Variants in BPTF observed in about 807,000 individuals in gnomAD.
The protein encoded by BPTF is bromodomain PHD finger transcription factor, also known as nucleosome-remodeling factor subunit BPTF.
In BPTF, 18 loss-of-function variants were observed where a neutral mutation model predicts 292.5. The ratio of observed to expected loss-of-function variants is 0.06; its 90% CI spans 0.04 to 0.09. The LOEUF (loss-of-function observed/expected upper bound fraction) is 0.09. BPTF is among the 10% of genes least tolerant of loss of function. BPTF has a pLI of 1.00. For synonymous variants in BPTF, 1,225 were observed against 1,251.9 expected (o/e 0.98, Z 0.45); for missense variants, 2,726 against 3,498.7 (o/e 0.78, Z 5.57).
chr17:67,912,114 A>G lies in BPTF; in HGVS notation c.4230A>G (p.Lys1410=). 6.2e-7 allele frequency: 1 copy of G among 1,608,274 alleles called. No individual in the cohort carries two copies. The highest frequency in any genetic ancestry group is 8.5e-7 in the Non-Finnish European group (1 of 1,178,276). ...QRTSTFQING[K]DNKPKIYLKG... ...CAAGTACATTTCAAATAAATGGAAA[A>G]GATAATAAACCCAAAATATATTTGA... Residue 1410 remains lysine, a synonymous_variant, in exon 11 of 28, where the codon AAA becomes AAG. Transcript: ENST00000306378.
In BPTF at chr17:67,945,752, G is replaced by A; in HGVS notation, c.7044G>A (p.Gln2348=). ...QSPVRVQSPS[Q]TRIRPSTPSQ... is the part of the protein sequence containing the mutation. ...CTGTTCGTGTCCAAAGTCCATCACA[G>A]ACTCGAATACGTCCATCAACTCCAT... The change falls in exon 21 of 28, where the codon CAG becomes CAA. Residue 2348 remains glutamine (Q), a synonymous_variant. Transcript: ENST00000306378. The A allele has an allele frequency of 6.2e-7, 1 of 1,614,156 alleles. No homozygotes were observed. The highest frequency in any genetic ancestry group is 8.5e-7 in the Non-Finnish European group (1 of 1,180,046).
chr17:67,829,953 T>C (rs1475747253), intron 1 of BPTF, among the ~76,000 whole-genome samples: 1 of 152,202 alleles, frequency 6.6e-6, no homozygotes, highest in Non-Finnish European at 1.5e-5. Flanking sequence ...GTTTTCCTTT[T>C]ATGGAAAAAA....
chr17:67,933,412 A>G (rs1240340913), intron 18 of BPTF, among the ~76,000 whole-genome samples: 1 of 151,936 alleles, frequency 6.6e-6, no homozygotes, highest in Non-Finnish European at 1.5e-5. Flanking sequence ...TCTACAAAAA[A>G]TAAAAATTTA....
chr17:67,891,562 C>T, intron 4 of BPTF: 1 of 252,698 alleles, frequency 4.0e-6, no homozygotes. Context: ...AAGTTTGTAG[C>T]AGCTCTTCCT....
intron 26 of BPTF, chr17:67,975,121 G>A (rs1161400146): frequency 2.0e-5 from 3 of 152,120 alleles, no homozygotes; most frequent in African/African-American, 7.2e-5. Flanking sequence ...AGGAAATGGG[G>A]ACAAAAACCA....
chr17:67,873,513 G>A (rs546038915), intron 3 of BPTF, among the ~76,000 whole-genome samples: 28 of 150,846 alleles, frequency 1.9e-4, no homozygotes, highest in Admixed American at 9.9e-4. Context: ...CACAAATAGC[G>A]TACTCTAGTT....
intron 23 of BPTF, among the ~76,000 whole-genome samples, chr17:67,949,383 A>G (rs2066065515): frequency 6.6e-6 from 1 of 151,848 alleles, no homozygotes; most frequent in Non-Finnish European, 1.5e-5. Context: ...GAGACCAGCC[A>G]GACCAACATG....
rs769469510 is a variant in BPTF, at chr17:67,874,883, C to T, written c.1727C>T (p.Thr576Ile). 1.9e-6 allele frequency: 3 copies of T among 1,613,332 alleles called. No individual in the cohort carries two copies. In the South Asian group the frequency reaches 3.3e-5, roughly 18 times the overall value. ...GATAATGTTAAAAGCCCAGAAGAAACAGAAAAAGACAAGAATGAGACTGAG... is the reference window on the plus strand; with the variant it reads ...GATAATGTTAAAAGCCCAGAAGAAATAGAAAAAGACAAGAATGAGACTGAG... ...DIDNVKSPEETEKDKNETEND... is the reference protein window; with the variant it reads ...DIDNVKSPEEIEKDKNETEND... The change falls in exon 4 of 28, where the codon ACA becomes ATA. Residue 576 changes from threonine (T) to isoleucine (I), a missense_variant. Around this residue, in one of 22 missense-constraint regions of BPTF, gnomAD observed 187 missense variants for 201.5 expected, o/e 0.93. Coordinates refer to ENST00000306378, the MANE Select transcript of BPTF (RefSeq NM_182641.4).
intron 9 of BPTF, among the ~76,000 whole-genome samples, chr17:67,905,266 G>T (rs2062099731): frequency 6.6e-6 from 1 of 151,996 alleles, no homozygotes; most frequent in Non-Finnish European, 1.5e-5. Flanking sequence ...AAATTTGCTG[G>T]GTGTGCTGGT....
At chr17:67,853,297 C>T (rs551946405) in intron 1 of BPTF, among the ~76,000 whole-genome samples, 2 of 152,200 alleles carry the variant, frequency 1.3e-5, no homozygotes, top group Non-Finnish European at 2.9e-5. Flanking sequence ...TGTCTGTTTC[C>T]TAGGTAAGCC....
rs1216892994 is a variant in BPTF at position 67,859,694 on chromosome 17, G to C, written c.1436+4932G>C. On this transcript the variant is annotated intron_variant, in intron 2 of 27. Transcript: ENST00000306378. Reference sequence around the variant, plus strand: ...TGTTAAAACCAATGCTTATAACTTGGGGAGAAAGATACTATAATGGTTTCT... The same window carrying C: ...TGTTAAAACCAATGCTTATAACTTGCGGAGAAAGATACTATAATGGTTTCT... Among the ~76,000 whole-genome samples the C allele has an allele frequency of 2.0e-5, 3 of 152,136 alleles. No individual in the cohort carries two copies. In the East Asian group the frequency reaches 5.8e-4, roughly 29 times the overall value.
intron 1 of BPTF, among the ~76,000 whole-genome samples, chr17:67,829,304 A>T (rs552481939): frequency 6.7e-6 from 1 of 150,092 alleles, no homozygotes; most frequent in African/African-American, 2.5e-5. Flanking sequence ...GCAACACATT[A>T]TTTTTAAAGA....
chr17:67,856,267 A>G (rs2058686083), intron 2 of BPTF, among the ~76,000 whole-genome samples: 2 of 151,812 alleles, frequency 1.3e-5, no homozygotes, highest in Admixed American at 6.6e-5. Flanking sequence ...TTCTGCTACC[A>G]TATTTTTATT....
chr17:67,968,875 G>C (rs1281246975), intron 26 of BPTF, among the ~76,000 whole-genome samples: 3 of 151,368 alleles, frequency 2.0e-5, no homozygotes, highest in African/African-American at 4.9e-5. Context: ...CTAGCTGCTC[G>C]GGAGGCTGAG....
At chr17:67,827,144 C>T (rs1000752553) in intron 1 of BPTF, among the ~76,000 whole-genome samples, 17 of 152,192 alleles carry the variant, frequency 1.1e-4, no homozygotes, top group African/African-American at 3.9e-4. Context: ...CTTTGCCTTG[C>T]TTGGGAAATG....
At chr17:67,889,245 TCTCCATTCCTTTAAGTCTTA>T (rs1277609588) in intron 4 of BPTF, among the ~76,000 whole-genome samples, 4 of 152,216 alleles carry the variant, frequency 2.6e-5, no homozygotes, top group Non-Finnish European at 5.9e-5. Context: ...TAGTTCTTTT[TCTCCATTCCTTTAAGTCTTA>T]CCCCTGTGGT....
chr17:67,898,061 C>T (rs2061569005), intron 7 of BPTF, among the ~76,000 whole-genome samples: 1 of 152,164 alleles, frequency 6.6e-6, no homozygotes, highest in African/African-American at 2.4e-5. Flanking sequence ...ATTACTAATA[C>T]CATACTATTT....
At position 67,911,890 on chromosome 17, in the gene BPTF, T is replaced by C; in HGVS notation, c.4006T>C (p.Leu1336=). 1.2e-6 allele frequency: 2 copies of C among 1,614,020 alleles called. No homozygotes were observed. The highest frequency in any genetic ancestry group is 1.7e-6 in the Non-Finnish European group (2 of 1,180,000). The change falls in exon 11 of 28, where the codon TTG becomes CTG. Residue 1336 remains leucine (L), a synonymous_variant. Coordinates refer to ENST00000306378, the MANE Select transcript of BPTF (RefSeq NM_182641.4). ...VEVLEPLKCE[L]VSGESTGNCE... is the part of the protein sequence containing the mutation. The stretch of plus-strand genomic sequence containing the variant: ...AGTCTTGGAGCCGTTAAAGTGTGAG[T>C]TGGTTTCTGGTGAGTCCACTGGAAA...
chr17:67,980,067 G>A lies in BPTF; in HGVS notation c.8727-2185G>A, dbSNP rs141654889. ...AAACAAAAAAAAACCTACCCAGGCC[G>A]GGTGTGGTGGCTTATGCCTGTAATC... is the stretch of plus-strand genomic sequence containing the variant. On this transcript the variant is annotated intron_variant, in intron 27 of 27. Coordinates refer to ENST00000306378, the MANE Select transcript of BPTF (RefSeq NM_182641.4). 6.6e-3 allele frequency among the ~76,000 whole-genome samples: 1,001 copies of A among 151,718 alleles called. 11 individuals are homozygous for A. Among genetic ancestry groups the A allele is most frequent in the African/African-American group, 0.023 (949 of 41,326 alleles).
Sources: gnomAD v4.1 joint callset for allele counts (sites outside exome capture counted in the v4.1 genomes callset) on GRCh38, gnomAD v4.1.1 for gene constraint, gnomAD v4.1.1 regional missense constraint, MANE v1.5 for transcripts, NCBI Gene and HGNC (gene_info 2026-07-23, HGNC 2026-07-21) for gene names.